The following ANKLE1 variants were observed in gnomAD, a reference collection of about 807,000 sequenced individuals.
ANKLE1 encodes the protein structure-specific endonuclease ANKLE1.
ANKLE1 carries 59 observed loss-of-function variants against 56.2 expected under a neutral mutation model. The observed-to-expected ratio is 1.05, with a 90% confidence interval of 0.85 to 1.30. The LOEUF is 1.30. ANKLE1 is among the 50% of genes most tolerant of loss of function. The pLI is 0.00. For synonymous variants in ANKLE1, 341 were observed against 352.9 expected, an observed-to-expected ratio of 0.97 and a Z score of 0.38; for missense variants, 771 against 816.1, an observed-to-expected ratio of 0.94 and a Z score of 0.67.
At position 17,283,776 on chromosome 19, in the gene ANKLE1, G is replaced by A; in HGVS notation, c.1012G>A (p.Glu338Lys). Reference sequence around the variant, plus strand: ...TGACATGGCCACGCTCTGGCTGACAGAGGATGAGGCAAGCTCTACAGGTGG... The same window carrying A: ...TGACATGGCCACGCTCTGGCTGACAAAGGATGAGGCAAGCTCTACAGGTGG... ...DSDMATLWLTEDEASSTGGRE... is the reference protein window; with the variant it reads ...DSDMATLWLTKDEASSTGGRE... Residue 338 changes from glutamate (E) to lysine (K), a missense_variant, in exon 5 of 9, where the codon GAG becomes AAG. Transcript: ENST00000404085. The A allele has an allele frequency of 1.2e-6, 2 of 1,613,690 alleles. No homozygotes were observed. The highest frequency in any genetic ancestry group is 1.7e-6 in the Non-Finnish European group (2 of 1,179,902).
rs756817102 is a variant in ANKLE1 at position 17,282,935 on chromosome 19, C to G, written c.393C>G (p.Leu131=). 3 of 1,571,120 alleles carry G rather than the reference C, an allele frequency of 1.9e-6. No individual in the cohort carries two copies. The Admixed American group carries it at 5.5e-5, about 29-fold the overall frequency. Residue 131 remains leucine, a synonymous_variant, in exon 4 of 9, where the codon CTC becomes CTG. Coordinates refer to ENST00000404085, the MANE Select transcript of ANKLE1 (RefSeq NM_152363.6). ...AGTGCGCGCGAGTCCTGCAGGATCT[C>G]GACACGCGGACCAGGACCCGGACCC... The part of the protein sequence containing the change: ...HLECARVLQD[L]DTRTRTRTRI...
intron 6 of ANKLE1, 90 bp downstream of exon 6, chr19:17,284,356 C>A (rs1599512055): frequency 7.8e-7 from 1 of 1,281,352 alleles, no homozygotes; most frequent in South Asian, 1.4e-5. Flanking sequence ...AAGGGACTGG[C>A]CCTAGAATCA....
intron 8 of ANKLE1, 79 bp downstream of exon 8, chr19:17,285,898 G>C: frequency 6.4e-7 from 1 of 1,567,582 alleles, no homozygotes; most frequent in Non-Finnish European, 8.6e-7. Flanking sequence ...TCCTTCTGAG[G>C]GGTGTTCATT....
rs2074046975 is a variant in ANKLE1, at chr19:17,287,446, AAAAC to A, written c.*898_*901del. 2.0e-5 allele frequency: 3 copies of A among 151,598 alleles called. No individual in the cohort carries two copies. The South Asian group carries it at 6.2e-4, about 31-fold the overall frequency. 9.4% of individuals were successfully genotyped at this position (151,598 alleles called of 1,614,324 possible). On this transcript the variant is annotated 3_prime_UTR_variant, in exon 9 of 9. Coordinates refer to ENST00000404085, the MANE Select transcript of ANKLE1 (RefSeq NM_152363.6). ...AGTCTGTCTCAAACAAACAAACAAA[AAAAC>A]AAATGCCACATCAACATCAGGACGT...
chr19:17,286,029 GT>G (rs1389859246), intron 8 of ANKLE1, among the ~76,000 whole-genome samples: 3 of 152,146 alleles, frequency 2.0e-5, no homozygotes, highest in Admixed American at 2.0e-4. Flanking sequence ...ACTTTTTTGT[GT>G]GTGTGTGAGA....
rs1419852835 is a variant in ANKLE1, at chr19:17,284,113, T to C, written c.1223T>C (p.Leu408Pro). Residue 408 changes from leucine to proline, a missense_variant, in exon 6 of 9, where the codon CTA becomes CCA. Coordinates refer to ENST00000404085, the MANE Select transcript of ANKLE1 (RefSeq NM_152363.6). Reference sequence around the variant, plus strand: ...GGCCCAGAGTTTTCAGGGCACAGCCTAGAACTGGCTGCAGCCCTGCGGACG... The same window carrying C: ...GGCCCAGAGTTTTCAGGGCACAGCCCAGAACTGGCTGCAGCCCTGCGGACG... Reference protein sequence around the residue: ...APGPEFSGHSLELAAALRTGC... With the variant: ...APGPEFSGHSPELAAALRTGC... 1.9e-6 allele frequency: 3 copies of C among 1,613,938 alleles called. No individual in the cohort carries two copies. Among genetic ancestry groups the C allele is most frequent in the Middle Eastern group, 1.6e-4 (1 of 6,062 alleles).
chr19:17,285,294 TG>T, intron 6 of ANKLE1, 136 bp from the exon 7 acceptor site: 1 of 1,025,726 alleles, frequency 9.7e-7, no homozygotes, highest in Non-Finnish European at 1.4e-6. Flanking sequence ...TGAATGTCTT[TG>T]GGGAGCCGCT....
In ANKLE1 at chr19:17,286,414, C is replaced by T. The variant is rs1278713427; in HGVS notation, c.1710C>T (p.His570=). 11 of 1,596,082 alleles carry T rather than the reference C, an allele frequency of 6.9e-6. No homozygotes were observed. The highest frequency in any genetic ancestry group is 1.8e-4 in the Middle Eastern group (1 of 5,468). The change falls in exon 9 of 9, where the codon CAC becomes CAT. Residue 570 remains histidine, a synonymous_variant. Transcript: ENST00000404085. ...CGCTCACCAACCAGAAGCAAGGGCA[C>T]TGCTATGGAGTGGTGGCAGGCTGGC... ...IQTLTNQKQG[H]CYGVVAGWPP...
At position 17,284,211 on chromosome 19, in the gene ANKLE1, A is replaced by T. The variant is rs768536592; in HGVS notation, c.1321A>T (p.Arg441Trp). Residue 441 changes from arginine to tryptophan, a missense_variant, in exon 6 of 9, where the codon AGG becomes TGG. Transcript: ENST00000404085. The stretch of plus-strand genomic sequence containing the variant: ...GTTTGAGCAGCCAGATCCTGCCAGG[A>T]GGTGGCGGGAGGGGGTCGTGAAGTC... ...QQFEQPDPAR[R>W]WREGVVKSSF... 6 of 1,613,798 alleles carry T rather than the reference A, an allele frequency of 3.7e-6. No individual in the cohort carries two copies. The South Asian group carries it at 6.6e-5, about 18-fold the overall frequency.
At position 17,283,289 on chromosome 19, in the gene ANKLE1, C is replaced by G. The variant is rs150417313; in HGVS notation, c.525C>G (p.Cys175Trp). ...CCATAGCACTCCAAAAGCAGCCATG[C>G]AGAGGTGACAACAGGGACATTGGCT... ...LDSIALQKQPCRGDNRDIGLE... is the reference protein window; with the variant it reads ...LDSIALQKQPWRGDNRDIGLE... Residue 175 changes from cysteine (C) to tryptophan (W), a missense_variant, in exon 5 of 9, where the codon TGC becomes TGG. Coordinates refer to ENST00000404085, the MANE Select transcript of ANKLE1 (RefSeq NM_152363.6). 2,336 of 1,613,666 alleles carry G rather than the reference C, an allele frequency of 1.4e-3. 10 individuals are homozygous for G. Among genetic ancestry groups the G allele is most frequent in the Non-Finnish European group, 1.5e-3 (1,781 of 1,179,864 alleles).
rs774611067 is a variant in ANKLE1 at position 17,283,881 on chromosome 19, C to T, written c.1117C>T (p.Leu373Phe). The T allele has an allele frequency of 6.2e-7, 1 of 1,613,638 alleles. No individual in the cohort carries two copies. Among genetic ancestry groups the T allele is most frequent in the Non-Finnish European group, 8.5e-7 (1 of 1,179,894 alleles). ...DLELLKGLRA[L>F]GENPHPITPF... ...GGAGTTGCTGAAGGGACTCCGAGCA[C>T]TTGGTGAGAATCCTCACCCCATCAC... The change falls in exon 5 of 9, where the codon CTT becomes TTT. Residue 373 changes from leucine to phenylalanine, a missense_variant. Transcript: ENST00000404085.
chr19:17,283,025 C>A, intron 4 of ANKLE1, 23 bp downstream of exon 4: 1 of 1,551,184 alleles, frequency 6.4e-7, no homozygotes, highest in East Asian at 2.4e-5. Context: ...TGCAGGGCTG[C>A]TGGGGCTTGA....
rs1465267691 is a variant in ANKLE1 at position 17,285,807 on chromosome 19, G to T, written c.1663G>T (p.Val555Leu). 4 of 1,613,604 alleles carry T rather than the reference G, an allele frequency of 2.5e-6. No homozygotes were observed. The highest frequency in any genetic ancestry group is 3.4e-6 in the Non-Finnish European group (4 of 1,179,856). ...GGCTTATACACGGGAGGCGTGTATT[G>T]TGGAAGCCCTAGGTGGGTGCCTGGT... The part of the protein sequence containing the change: ...VEAYTREACI[V>L]EALGIQTLTN... The change falls in exon 8 of 9, where the codon GTG becomes TTG. Residue 555 changes from valine to leucine, a missense_variant. Coordinates refer to ENST00000404085, the MANE Select transcript of ANKLE1 (RefSeq NM_152363.6).
At chr19:17,282,800 G>T (rs1271870665) in intron 3 of ANKLE1, 39 bp downstream of exon 3, 2 of 1,573,414 alleles carry the variant, frequency 1.3e-6, no homozygotes, top group Admixed American at 1.8e-5. Flanking sequence ...GGCTGGGTGA[G>T]CCCAGAGGGA....
rs773960105 is a variant in ANKLE1 at position 17,286,649 on chromosome 19, T to C, written c.*97T>C. 2.2e-6 allele frequency: 1 copy of C among 451,518 alleles called. No individual in the cohort carries two copies. Among genetic ancestry groups the C allele is most frequent in the Non-Finnish European group, 3.2e-6 (1 of 310,708 alleles). The allele number at this position is 451,518 out of a possible 1,614,324, so 28.0% of individuals were successfully genotyped here. On this transcript the variant is annotated 3_prime_UTR_variant, in exon 9 of 9. Transcript: ENST00000404085. ...CCCCCATCTCTGGTTTCAGAAGGGG[T>C]GTGTGTGTGTGTGTGTGTGTGTGTG...
intron 4 of ANKLE1, 38 bp downstream of exon 4, chr19:17,283,040 T>C (rs1261609647): frequency 1.3e-6 from 2 of 1,546,602 alleles, no homozygotes; most frequent in Non-Finnish European, 1.7e-6. Context: ...GCTTGACTTC[T>C]GGACCAGTCC....
intron 6 of ANKLE1, 107 bp from the exon 7 acceptor site, chr19:17,285,323 TA>T: frequency 7.5e-7 from 1 of 1,339,374 alleles, no homozygotes; most frequent in Non-Finnish European, 1.0e-6. Flanking sequence ...TCTGATCCTG[TA>T]ATCAGGAGTC....
chr19:17,284,689 T>G (rs1426007620), intron 6 of ANKLE1, among the ~76,000 whole-genome samples: 1 of 141,928 alleles, frequency 7.0e-6, no homozygotes, highest in Admixed American at 7.0e-5. Context: ...GGCCTCTTTT[T>G]TTTTTTTTTT....
chr19:17,283,897 A>C lies in ANKLE1; in HGVS notation c.1133A>C (p.His378Pro), dbSNP rs2074004347. 4 of 1,612,998 alleles carry C rather than the reference A, an allele frequency of 2.5e-6. No individual in the cohort carries two copies. Among genetic ancestry groups the C allele is most frequent in the Non-Finnish European group, 2.5e-6 (3 of 1,179,546 alleles). The change falls in exon 5 of 9, where the codon CAC (histidine) becomes CCC (proline). Residue 378 changes from histidine (H) to proline (P), a missense_variant. Transcript: ENST00000404085. ...CTCCGAGCACTTGGTGAGAATCCTC[A>C]CCCCATCACACCCTTCACCAGGCAG... is the stretch of plus-strand genomic sequence containing the variant. ...KGLRALGENP[H>P]PITPFTRQLY...
Sources: allele counts gnomAD v4.1 joint callset (sites outside exome capture counted in the v4.1 genomes callset), GRCh38; gene constraint gnomAD v4.1.1; transcripts MANE v1.5; gene names NCBI Gene and HGNC (gene_info 2026-07-23, HGNC 2026-07-21).